Variants in PIH1D2 observed in about 807,000 individuals in gnomAD.
PIH1D2 encodes PIH1 domain containing 2, also known as PIH1 domain-containing protein 2.
In PIH1D2, 25 loss-of-function variants were observed where a neutral mutation model predicts 31.2. The ratio of observed to expected loss-of-function variants is 0.80; its 90% CI spans 0.58 to 1.12. The LOEUF (loss-of-function observed/expected upper bound fraction) is 1.12. PIH1D2 is among the 50% of genes most tolerant of loss of function. The pLI, the probability that PIH1D2 is intolerant of heterozygous loss-of-function variation, is 0.00. For synonymous variants in PIH1D2, 116 were observed against 119.9 expected, an observed-to-expected ratio of 0.97 and a Z score of 0.21; for missense variants, 310 against 356.6, an observed-to-expected ratio of 0.87 and a Z score of 1.05.
chr11:112,054,320 AAAT>A, the PIH1D2 span, among the ~76,000 whole-genome samples: 6,797 of 151,928 alleles, frequency 0.045, 431 homozygotes, highest in African/African-American at 0.14. Context: ...ACTGCATTTC[AAAT>A]AATAATAATA....
chr11:112,070,297 A>T, intron 5 of PIH1D2, 139 bp downstream of exon 5: 1 of 1,004,154 alleles, frequency 1.0e-6, no homozygotes, highest in Non-Finnish European at 1.4e-6. Context: ...GGCACATCTC[A>T]GAAGGGAATT....
chr11:112,055,606 C>A, the PIH1D2 span, among the ~76,000 whole-genome samples: 1 of 151,988 alleles, frequency 6.6e-6, no homozygotes, highest in African/African-American at 2.4e-5. Flanking sequence ...CTGAGTTAGC[C>A]ACTGTTACTG....
At chr11:112,059,803 T>A, downstream of PIH1D2, 1 of 1,074,596 alleles carries the variant, frequency 9.3e-7, no homozygotes, top group East Asian at 2.6e-5. Flanking sequence ...ACACATTGGT[T>A]CAAAAAATTT....
the PIH1D2 span, among the ~76,000 whole-genome samples, chr11:112,056,165 G>A: frequency 1.3e-5 from 2 of 151,824 alleles, no homozygotes; most frequent in African/African-American, 4.8e-5. Context: ...GTGCCTGGCC[G>A]CATGTAGACA....
chr11:112,057,171 CTGGT>C, the PIH1D2 span, among the ~76,000 whole-genome samples: 1 of 152,212 alleles, frequency 6.6e-6, no homozygotes, highest in Non-Finnish European at 1.5e-5. Context: ...TGTGTTCTGA[CTGGT>C]TGATAGAATT....
Position 112,071,157 on chromosome 11 carries a change from G to A in PIH1D2, c.428C>T (p.Thr143Ile). Residue 143 changes from threonine to isoleucine, a missense_variant, in exon 4 of 6, where the codon ACC becomes ATC. Physicochemically the swap from Thr to Ile is moderately conservative, Grantham distance 89. Coordinates refer to ENST00000280350, the MANE Select transcript of PIH1D2 (RefSeq NM_138789.4). ...GGTAATATGGTAAGAGTGTGAGAGG[G>A]TGAACTGGAATTTCTCCTCAATGCA... ...MKCIEEKFQF[T>I]LSHSYHITKF... 6.2e-7 allele frequency: 1 copy of A among 1,613,752 alleles called. No individual in the cohort carries two copies. Among genetic ancestry groups the A allele is most frequent in the Non-Finnish European group, 8.5e-7 (1 of 1,179,870 alleles).
At position 112,067,848 on chromosome 11, in the gene PIH1D2, C is replaced by T; in HGVS notation, c.*23G>A. The T allele has an allele frequency of 6.2e-7, 1 of 1,610,246 alleles. No homozygotes were observed. The highest frequency in any genetic ancestry group is 8.5e-7 in the Non-Finnish European group (1 of 1,178,962). ...TTCACATGACTTTAGCACTGAAAAC[C>T]CAAAACATATGATGCTCTTCTTTCA... On this transcript the variant is annotated 3_prime_UTR_variant, in exon 6 of 6. Coordinates refer to ENST00000280350, the MANE Select transcript of PIH1D2 (RefSeq NM_138789.4).
At chr11:112,058,147 C>T in the PIH1D2 span, among the ~76,000 whole-genome samples, 25 of 152,350 alleles carry the variant, frequency 1.6e-4, no homozygotes, top group Non-Finnish European at 2.8e-4. Context: ...CTTGTTCATA[C>T]ACCCATTCAA....
At chr11:112,055,036 A>G in the PIH1D2 span, among the ~76,000 whole-genome samples, 1 of 152,038 alleles carries the variant, frequency 6.6e-6, no homozygotes, top group Non-Finnish European at 1.5e-5. Flanking sequence ...CCTTTTTCCA[A>G]ATAAGGTCAC....
intron 5 of PIH1D2, chr11:112,070,098 T>G (rs895881751): frequency 1.1e-5 from 5 of 463,722 alleles, no homozygotes; most frequent in African/African-American, 9.6e-5. Flanking sequence ...ACGTTTACCC[T>G]GCCATATGAC....
At chr11:112,062,854 C>CTTT (rs1412504366), downstream of PIH1D2, 4 of 334,482 alleles carry the variant, frequency 1.2e-5, no homozygotes, top group East Asian at 2.9e-4. Context: ...TTGTGGTTCC[C>CTTT]TAAAGACAAG....
chr11:112,053,710 C>T, the PIH1D2 span, among the ~76,000 whole-genome samples: 2 of 152,272 alleles, frequency 1.3e-5, no homozygotes, highest in African/African-American at 2.4e-5. Flanking sequence ...ACCTTGGCCT[C>T]CCAAAGTGCT....
At chr11:112,069,324 G>T (rs186421625) in intron 5 of PIH1D2, among the ~76,000 whole-genome samples, 1 of 152,098 alleles carries the variant, frequency 6.6e-6, no homozygotes, top group Non-Finnish European at 1.5e-5. Flanking sequence ...ACTGTACTAA[G>T]GTGGACTTCA....
In PIH1D2 at chr11:112,071,036, ACCC is replaced by A. The variant is rs782183413; in HGVS notation, c.546_547+1del. 7 of 1,611,366 alleles carry A rather than the reference ACCC, an allele frequency of 4.3e-6. No homozygotes were observed. Among genetic ancestry groups the A allele is most frequent in the Middle Eastern group, 1.7e-4 (1 of 5,908 alleles). On this transcript the variant is annotated splice_donor_variant and coding_sequence_variant, in exon 4 of 6. Transcript: ENST00000280350. LOFTEE classifies it high-confidence loss of function. ...ATTTTCCATTTACAATCATCAACTT[ACCC>A]CTTCTCATTTTTTCTCTTAAATCTA...
At chr11:112,055,855 T>TG in the PIH1D2 span, among the ~76,000 whole-genome samples, 1 of 81,276 alleles carries the variant, frequency 1.2e-5, no homozygotes, top group Non-Finnish European at 2.2e-5. Flanking sequence ...ACACTTTTTT[T>TG]TTTTTTTTTT....
Position 112,073,182 on chromosome 11 carries a change from G to A in PIH1D2, c.-8C>T, listed in dbSNP as rs1555185082. 1 of 1,577,550 alleles carries A rather than the reference G, an allele frequency of 6.3e-7. No homozygotes were observed. The highest frequency in any genetic ancestry group is 1.8e-5 in the Admixed American group (1 of 55,566). ...TTTTGAGGATGTCTCCATGACTTAT[G>A]AGTGGTGAATAATTTTCTTAAGCCT... is the stretch of plus-strand genomic sequence containing the variant. On this transcript the variant is annotated 5_prime_UTR_variant, in exon 2 of 6. Coordinates refer to ENST00000280350, the MANE Select transcript of PIH1D2 (RefSeq NM_138789.4).
chr11:112,052,604 C>T, the PIH1D2 span, among the ~76,000 whole-genome samples: 15 of 152,200 alleles, frequency 9.9e-5, no homozygotes, highest in East Asian at 2.7e-3. Context: ...CATGTCCTTT[C>T]TGGGCATACC....
At chr11:112,053,485 T>C in the PIH1D2 span, among the ~76,000 whole-genome samples, 12,595 of 152,148 alleles carry the variant, frequency 0.083, 1,552 homozygotes, top group African/African-American at 0.26. Flanking sequence ...CAGAGTCTCT[T>C]TCTGTCGCCT....
chr11:112,068,033 T>C (rs1864994111), intron 5 of PIH1D2, 28 bp from the exon 6 acceptor site: 1 of 1,464,014 alleles, frequency 6.8e-7, no homozygotes, highest in African/African-American at 1.4e-5. Flanking sequence ...AGAGATTTAT[T>C]TCCTGCTTAA....
Sources: gnomAD v4.1 joint callset for allele counts (sites outside exome capture counted in the v4.1 genomes callset) on GRCh38, gnomAD v4.1.1 for gene constraint, MANE v1.5 for transcripts, NCBI Gene and HGNC (gene_info 2026-07-23, HGNC 2026-07-21) for gene names.